Variants in SCLT1 observed in about 807,000 individuals in gnomAD.
SCLT1 encodes sodium channel and clathrin linker 1.
SCLT1 carries 78 observed loss-of-function variants against 112.8 expected under a neutral mutation model. That is an observed-to-expected ratio of 0.69 (90% CI 0.58 to 0.83). The LOEUF (loss-of-function observed/expected upper bound fraction) is 0.83. Among genes scored for constraint, SCLT1 ranks in the 40% least tolerant of loss-of-function variants. SCLT1 has a pLI of 0.00. For synonymous variants in SCLT1, 257 were observed against 254.7 expected, an observed-to-expected ratio of 1.01 and a Z score of -0.09; for missense variants, 747 against 770.4, an observed-to-expected ratio of 0.97 and a Z score of 0.36.
chr4:128,971,677 A>T (rs1412896059), intron 9 of SCLT1: 3 of 152,164 alleles, frequency 2.0e-5, no homozygotes, highest in Non-Finnish European at 4.4e-5. Context: ...AATATTTTAT[A>T]TGATGAGGCA....
At chr4:128,873,274 A>AAAAAAAGAAAAAAAAAAG (rs1732336520) in intron 5 of SCLT1, 5 of 103,436 alleles carry the variant, frequency 4.8e-5, no homozygotes, top group Non-Finnish European at 2.2e-5. Context: ...AAAAAAAAAG[A>AAAAAAAGAAAAAAAAAAG]AAAAAAGAAA....
chr4:128,933,761 A>G (rs912942877), intron 18 of SCLT1, among the ~76,000 whole-genome samples: 8 of 152,218 alleles, frequency 5.3e-5, no homozygotes, highest in African/African-American at 1.9e-4. Flanking sequence ...AAGTTTATTC[A>G]ATTTGAGTTT....
rs111669675 is a variant in SCLT1, at chr4:129,062,485, A to G, written c.103-18434T>C. 2.7e-4 allele frequency among the ~76,000 whole-genome samples: 41 copies of G among 152,228 alleles called. 1 individual carries two copies. The highest frequency in any genetic ancestry group is 9.4e-4 in the African/African-American group (39 of 41,540). The stretch of plus-strand genomic sequence containing the variant: ...CTTGACTATAAACTTACTTTTATCA[A>G]TGAGTTGATAGTTTCATGTTTCAAT... On this transcript the variant is annotated intron_variant, in intron 2 of 20. Transcript: ENST00000281142.
chr4:129,043,329 G>A (rs920143576), intron 4 of SCLT1, 66 bp downstream of exon 4: 1 of 801,158 alleles, frequency 1.2e-6, no homozygotes, highest in Non-Finnish European at 2.1e-6. Flanking sequence ...TAAAAAGAGG[G>A]AGTCTATTTT....
At chr4:129,049,418 G>T (rs1196117258) in intron 2 of SCLT1, among the ~76,000 whole-genome samples, 1 of 141,382 alleles carries the variant, frequency 7.1e-6, no homozygotes, top group Admixed American at 7.7e-5. Context: ...TCATAGATGG[G>T]AATTGAACAA....
intron 18 of SCLT1, among the ~76,000 whole-genome samples, chr4:128,924,207 T>C (rs1346216610): frequency 1.3e-5 from 2 of 152,070 alleles, no homozygotes; most frequent in East Asian, 3.8e-4. Context: ...TTTCTCACAG[T>C]CTTTTTTCAT....
chr4:129,071,569 G>GA (rs1561050644), intron 2 of SCLT1, among the ~76,000 whole-genome samples: 1 of 151,740 alleles, frequency 6.6e-6, no homozygotes. Context: ...TTGCTTTAAA[G>GA]TTTTTTTTGT....
chr4:128,892,424 AT>A (rs1376089779), intron 18 of SCLT1, among the ~76,000 whole-genome samples: 6 of 152,196 alleles, frequency 3.9e-5, no homozygotes, highest in Non-Finnish European at 2.9e-5. Context: ...CTTAGGTGAA[AT>A]CCTTGATTCA....
Position 128,999,699 on chromosome 4 carries a change from A to T in SCLT1, c.522T>A (p.Ile174=). The T allele has an allele frequency of 6.2e-7, 1 of 1,603,664 alleles. No homozygotes were observed. Among genetic ancestry groups the T allele is most frequent in the Non-Finnish European group, 8.5e-7 (1 of 1,173,732 alleles). ...LYQEHMTEAQ[I]HVFESQKQKD... ...TTTGTTTTTGACTTTCAAATACATGAATCTGGGCCTCAGTCATATGTTCCT... is the reference window on the plus strand; with the variant it reads ...TTTGTTTTTGACTTTCAAATACATGTATCTGGGCCTCAGTCATATGTTCCT... The change falls in exon 7 of 21, where the codon ATT becomes ATA. Residue 174 remains isoleucine (I), a synonymous_variant. Coordinates refer to ENST00000281142, the MANE Select transcript of SCLT1 (RefSeq NM_144643.4).
chr4:128,936,980 C>T (rs1262798919), intron 17 of SCLT1, 129 bp from the exon 18 acceptor site: 6 of 465,018 alleles, frequency 1.3e-5, no homozygotes, highest in East Asian at 3.6e-5. Flanking sequence ...GAGAAAACTA[C>T]GTAAGAAATC....
At chr4:129,093,007 T>C in intron 1 of SCLT1, 63 bp downstream of exon 1, 5 of 1,210,302 alleles carry the variant, frequency 4.1e-6, no homozygotes, top group Non-Finnish European at 4.9e-6. Context: ...AAAAAAGATT[T>C]GTCGGTCAAC....
intron 4 of SCLT1, among the ~76,000 whole-genome samples, chr4:128,876,288 C>A (rs565082685): frequency 6.6e-6 from 1 of 152,238 alleles, no homozygotes; most frequent in South Asian, 2.1e-4. Flanking sequence ...CTATTTACTT[C>A]CATATTGCTT....
intron 17 of SCLT1, among the ~76,000 whole-genome samples, chr4:128,942,763 T>G (rs945054672): frequency 3.3e-5 from 5 of 152,132 alleles, no homozygotes; most frequent in African/African-American, 9.7e-5. Flanking sequence ...ATCAGTATAT[T>G]TCGTGGTTGG....
At chr4:128,929,980 T>C (rs1175135720) in intron 18 of SCLT1, among the ~76,000 whole-genome samples, 1 of 152,172 alleles carries the variant, frequency 6.6e-6, no homozygotes, top group Admixed American at 6.6e-5. Flanking sequence ...TATAAGCAAG[T>C]ATGTACACAA....
Position 128,966,888 on chromosome 4 carries a change from G to A in SCLT1, c.778-1570C>T, listed in dbSNP as rs144865389. On this transcript the variant is annotated intron_variant, in intron 10 of 20. Coordinates refer to ENST00000281142, the MANE Select transcript of SCLT1 (RefSeq NM_144643.4). ...CCAGCCTTTATTTTTGATTCAGGGG[G>A]TACATGGGCAGGTTTGCTACATGGG... 6.0e-3 allele frequency among the ~76,000 whole-genome samples: 909 copies of A among 151,106 alleles called. 8 individuals carry two copies. The highest frequency in any genetic ancestry group is 0.034 in the Middle Eastern group (10 of 292).
Position 128,950,561 on chromosome 4 carries a change from A to C in SCLT1, c.1219-1991T>G, listed in dbSNP as rs996005775. 5.9e-5 allele frequency among the ~76,000 whole-genome samples: 9 copies of C among 152,166 alleles called. No homozygotes were observed. The South Asian group carries it at 1.9e-3, about 31-fold the overall frequency. On this transcript the variant is annotated intron_variant, in intron 14 of 20. Coordinates refer to ENST00000281142, the MANE Select transcript of SCLT1 (RefSeq NM_144643.4). ...TTGGGGGAAAATATGACAAAATAAT[A>C]GATATTTTTTCAGGTACTCATGGAG... is the stretch of plus-strand genomic sequence containing the variant.
chr4:128,965,246 T>C lies in SCLT1; in HGVS notation c.850A>G (p.Ile284Val). ...ATTTACCTTATTTCTAATTGTTTTATACTAGACTGTAACTGCTGTAAACGC... is the reference window on the plus strand; with the variant it reads ...ATTTACCTTATTTCTAATTGTTTTACACTAGACTGTAACTGCTGTAAACGC... ...DRRLQQLQSS[I>V]KQLEIRLCVT... Residue 284 changes from isoleucine to valine, a missense_variant, in exon 11 of 21, where the codon ATA (isoleucine) becomes GTA (valine). Ile to Val is a conservative substitution (Grantham distance 29, BLOSUM62 3). This residue lies in a region of SCLT1 where 723 missense variants were observed against 721.3 expected (regional missense o/e 1.00). Transcript: ENST00000281142. The C allele has an allele frequency of 3.1e-6, 5 of 1,593,348 alleles. No homozygotes were observed. The highest frequency in any genetic ancestry group is 4.3e-6 in the Non-Finnish European group (5 of 1,161,366).
chr4:129,054,944 T>A (rs534170425), intron 2 of SCLT1, among the ~76,000 whole-genome samples: 22 of 152,210 alleles, frequency 1.4e-4, no homozygotes, highest in Non-Finnish European at 2.8e-4. Context: ...GGGGTTTTTG[T>A]GTTGGGGTCC....
intron 5 of SCLT1, among the ~76,000 whole-genome samples, chr4:129,009,794 A>G (rs1005438117): frequency 6.6e-6 from 1 of 152,046 alleles, no homozygotes; most frequent in African/African-American, 2.4e-5. Context: ...CCCATTTTTC[A>G]ATAAGGTTTG....
Sources: allele counts gnomAD v4.1 joint callset (sites outside exome capture counted in the v4.1 genomes callset), GRCh38; gene constraint gnomAD v4.1.1; regional missense constraint gnomAD v4.1.1; transcripts MANE v1.5; gene names NCBI Gene and HGNC (gene_info 2026-07-23, HGNC 2026-07-21).